The following TXLNB variants were observed in gnomAD, a reference collection of about 807,000 sequenced individuals.
TXLNB encodes taxilin beta.
Under a neutral mutation model 57.4 loss-of-function variants are expected in TXLNB, and 37 were observed. The observed-to-expected ratio is 0.64, with a 90% CI of 0.50 to 0.85. TXLNB has a LOEUF of 0.85. Among genes scored for constraint, TXLNB ranks in the 40% least tolerant of loss-of-function variants. TXLNB has a pLI of 0.00. For synonymous variants in TXLNB, 302 were observed against 309.6 expected (o/e 0.98, Z 0.26); for missense variants, 848 against 825.6 (o/e 1.03, Z -0.33).
chr6:139,284,656 C>T (rs1054865954), intron 2 of TXLNB, among the ~76,000 whole-genome samples: 1 of 146,038 alleles, frequency 6.8e-6, no homozygotes, highest in African/African-American at 2.5e-5. Context: ...ATAGCATGTT[C>T]AAAGAACTGA....
chr6:139,216,026 A>G, the TXLNB span, among the ~76,000 whole-genome samples: 2 of 152,164 alleles, frequency 1.3e-5, no homozygotes, highest in Admixed American at 6.6e-5. Flanking sequence ...ACTGTTGGTG[A>G]GACTGTAAAC....
At chr6:139,244,511 C>T in intron 9 of TXLNB, 84 bp downstream of exon 9, 1 of 937,474 alleles carries the variant, frequency 1.1e-6, no homozygotes, top group Non-Finnish European at 1.7e-6. Context: ...ACCATTTGTA[C>T]TATTACCAGG....
chr6:139,160,030 T>C, the TXLNB span, among the ~76,000 whole-genome samples: 2 of 152,176 alleles, frequency 1.3e-5, no homozygotes, highest in Non-Finnish European at 2.9e-5. Flanking sequence ...CACAGAGTTC[T>C]CAAGTGAGGG....
At chr6:139,187,434 T>G in the TXLNB span, among the ~76,000 whole-genome samples, 1 of 152,208 alleles carries the variant, frequency 6.6e-6, no homozygotes. Context: ...TCTTTTGCTT[T>G]TTTTTCCCCA....
chr6:139,252,650 A>G (rs1271914056), intron 7 of TXLNB, among the ~76,000 whole-genome samples: 1 of 152,174 alleles, frequency 6.6e-6, no homozygotes, highest in African/African-American at 2.4e-5. Flanking sequence ...GCTGAATAGC[A>G]TCTTGAGATC....
chr6:139,312,883 AC>A, the TXLNB span, among the ~76,000 whole-genome samples: 1 of 152,196 alleles, frequency 6.6e-6, no homozygotes, highest in African/African-American at 2.4e-5. Context: ...AATCTGCACA[AC>A]AAATCTTACC....
the TXLNB span, among the ~76,000 whole-genome samples, chr6:139,175,188 G>A: frequency 9.9e-5 from 15 of 152,168 alleles, no homozygotes; most frequent in Admixed American, 3.9e-4. Flanking sequence ...ATAACCTATA[G>A]AATCACAGGA....
At chr6:139,228,976 G>A in the TXLNB span, among the ~76,000 whole-genome samples, 2 of 152,180 alleles carry the variant, frequency 1.3e-5, no homozygotes, top group East Asian at 3.8e-4. Context: ...CCTGAGGCCA[G>A]GACTGGGTGA....
the TXLNB span, among the ~76,000 whole-genome samples, chr6:139,164,606 G>T: frequency 6.6e-6 from 1 of 152,164 alleles, no homozygotes; most frequent in Non-Finnish European, 1.5e-5. Flanking sequence ...TTATTTTGGG[G>T]ATTGGGAGGC....
the TXLNB span, among the ~76,000 whole-genome samples, chr6:139,297,025 T>G: frequency 1.3e-5 from 2 of 152,092 alleles, no homozygotes; most frequent in Non-Finnish European, 2.9e-5. Flanking sequence ...GTCTTTCCAG[T>G]CTACCAGGGA....
chr6:139,250,357 C>CTTTTTTTTTTTTTTTTT (rs61441759), intron 7 of TXLNB, among the ~76,000 whole-genome samples: 1 of 118,892 alleles, frequency 8.4e-6, no homozygotes, highest in Non-Finnish European at 1.7e-5. Flanking sequence ...TTCTTTCTTT[C>CTTTTTTTTTTTTTTTTT]TTTTTTTTTT....
At chr6:139,238,727 A>G (rs541877094), downstream of TXLNB, among the ~76,000 whole-genome samples, 34 of 152,202 alleles carry the variant, frequency 2.2e-4, no homozygotes, top group Non-Finnish European at 4.3e-4. Context: ...CCTTGTGAAA[A>G]TTGAACCCTT....
downstream of TXLNB, among the ~76,000 whole-genome samples, chr6:139,236,655 C>T (rs1209358041): frequency 6.6e-6 from 1 of 152,132 alleles, no homozygotes; most frequent in Non-Finnish European, 1.5e-5. Context: ...ATTACTCAGT[C>T]TTGTGTATTT....
chr6:139,318,284 AAAAAG>A, the TXLNB span, among the ~76,000 whole-genome samples: 1 of 151,080 alleles, frequency 6.6e-6, no homozygotes, highest in Non-Finnish European at 1.5e-5. Context: ...AAAAAAAAAA[AAAAAG>A]AAAAGAAAGG....
At position 139,250,357 on chromosome 6, in the gene TXLNB, CTTTTTT is replaced by C. The variant is rs61441759; in HGVS notation, c.1078-2454_1078-2449del. ...GTGTTTTTTCTTTCTTTCTTTCTTT[CTTTTTT>C]TTTTTTTTTTTTCAAAATACTGGCT... is the stretch of plus-strand genomic sequence containing the variant. On this transcript the variant is annotated intron_variant, in intron 7 of 9. Transcript: ENST00000358430. 1.8e-3 allele frequency among the ~76,000 whole-genome samples: 216 copies of C among 118,888 alleles called. 3 individuals are homozygous for C. The East Asian group carries it at 0.032, about 18-fold the overall frequency. 78.0% of individuals were successfully genotyped at this position (118,888 alleles called of 152,430 possible). A position where few individuals can be genotyped will look rare whatever the true frequency, so the allele number is the denominator to read the frequency against.
the TXLNB span, among the ~76,000 whole-genome samples, chr6:139,211,327 T>A: frequency 6.6e-6 from 1 of 152,160 alleles, no homozygotes; most frequent in South Asian, 2.1e-4. Context: ...TTCACCAATA[T>A]CTGCTGTTCT....
At chr6:139,261,077 G>A (rs1359304966) in intron 5 of TXLNB, among the ~76,000 whole-genome samples, 2 of 152,162 alleles carry the variant, frequency 1.3e-5, no homozygotes, top group Non-Finnish European at 2.9e-5. Flanking sequence ...CTCTGGACTA[G>A]TTTGGTCAAG....
chr6:139,255,730 C>T, intron 6 of TXLNB, 92 bp from the exon 7 acceptor site: 8 of 894,248 alleles, frequency 8.9e-6, no homozygotes, highest in Non-Finnish European at 1.4e-5. Context: ...TAGCAACCTG[C>T]TCATTAACCT....
chr6:139,304,605 C>G, the TXLNB span, among the ~76,000 whole-genome samples: 1 of 152,056 alleles, frequency 6.6e-6, no homozygotes, highest in Admixed American at 6.6e-5. Flanking sequence ...AATCTTCAGA[C>G]AAAAATGAAT....
Sources: allele counts gnomAD v4.1 joint callset (sites outside exome capture counted in the v4.1 genomes callset), GRCh38; gene constraint gnomAD v4.1.1; transcripts MANE v1.5; gene names NCBI Gene and HGNC (gene_info 2026-07-23, HGNC 2026-07-21).